CNTN6: variants seen among roughly 807,000 people sequenced by gnomAD.
CNTN6 encodes contactin 6.
In CNTN6, 137 loss-of-function variants were observed where a neutral mutation model predicts 122.8. The observed-to-expected ratio is 1.12, with a 90% CI of 0.97 to 1.29. The LOEUF is 1.29. CNTN6 is among the 50% of genes most tolerant of loss of function. The pLI is 0.00. For synonymous variants in CNTN6, 570 were observed against 426.0 expected (o/e 1.34, Z -4.16); for missense variants, 1,634 against 1,223.4 (o/e 1.34, Z -5.01).
intron 7 of CNTN6, among the ~76,000 whole-genome samples, chr3:1,308,513 T>C (rs1273405826): frequency 1.3e-5 from 2 of 152,028 alleles, no homozygotes; most frequent in Non-Finnish European, 2.9e-5. Flanking sequence ...ATTTAGGCGC[T>C]CTCAGATGAC....
chr3:1,305,333 A>G (rs1698184075), intron 7 of CNTN6, among the ~76,000 whole-genome samples: 1 of 152,196 alleles, frequency 6.6e-6, no homozygotes, highest in African/African-American at 2.4e-5. Context: ...GCTTCAAGTA[A>G]TTGTCTTAAC....
intron 4 of CNTN6, among the ~76,000 whole-genome samples, chr3:1,276,694 TCTGTCAGATC>T (rs1303039745): frequency 6.6e-6 from 1 of 152,226 alleles, no homozygotes; most frequent in East Asian, 1.9e-4. Context: ...CTCTTTCTCA[TCTGTCAGATC>T]AGTGCTCTCT....
chr3:1,226,682 A>G (rs1307351723), intron 3 of CNTN6, among the ~76,000 whole-genome samples: 1 of 152,150 alleles, frequency 6.6e-6, no homozygotes, highest in Non-Finnish European at 1.5e-5. Context: ...ACTAGCATTA[A>G]AAACACACAG....
intron 13 of CNTN6, 114 bp downstream of exon 13, chr3:1,372,588 T>C: frequency 1.1e-6 from 1 of 917,752 alleles, no homozygotes. Flanking sequence ...TCACTGACTG[T>C]TTTTGAAGCT....
chr3:1,139,257 C>A (rs2092555793), intron 1 of CNTN6, among the ~76,000 whole-genome samples: 1 of 152,090 alleles, frequency 6.6e-6, no homozygotes, highest in South Asian at 2.1e-4. Context: ...CCAATCTCTG[C>A]TTTAGTCATT....
intron 2 of CNTN6, among the ~76,000 whole-genome samples, chr3:1,194,887 C>G (rs1324981406): frequency 2.6e-5 from 4 of 152,058 alleles, no homozygotes; most frequent in Admixed American, 2.0e-4. Context: ...ACTTTTGATG[C>G]TTTGACATCT....
intron 3 of CNTN6, 57 bp downstream of exon 3, chr3:1,220,870 A>G: frequency 6.6e-7 from 1 of 1,511,442 alleles, no homozygotes; most frequent in Non-Finnish European, 8.9e-7. Context: ...GAACCAAAAC[A>G]TACACAAAAT....
chr3:1,149,216 GATTA>G (rs61584568), intron 2 of CNTN6, among the ~76,000 whole-genome samples: 3,643 of 152,240 alleles, frequency 0.024, 151 homozygotes, highest in African/African-American at 0.082. Flanking sequence ...TAATTGTCAA[GATTA>G]ATTGTTGAGC....
rs376407923 is a variant in CNTN6, at chr3:1,264,340, ACT to A, written c.359-14070_359-14069del. Among the ~76,000 whole-genome samples, 14 of 152,284 alleles carry A rather than the reference ACT, an allele frequency of 9.2e-5. No homozygotes were observed. In the East Asian group the frequency reaches 2.3e-3, roughly 25 times the overall value. Reference sequence around the variant, plus strand: ...TATAAATACATGAGTTAGTGAACAAACTCTACATTTAAATTACTGTTATAGCA... The same window carrying A: ...TATAAATACATGAGTTAGTGAACAAACTACATTTAAATTACTGTTATAGCA... On this transcript the variant is annotated intron_variant, in intron 4 of 22. Transcript: ENST00000446702.
At chr3:1,122,304 A>G (rs1303515438) in intron 1 of CNTN6, among the ~76,000 whole-genome samples, 1 of 150,554 alleles carries the variant, frequency 6.6e-6, no homozygotes, top group African/African-American at 2.5e-5. Flanking sequence ...AGAGAAATAA[A>G]TAAAGGAAAA....
At chr3:1,122,916 G>T (rs1450821139) in intron 1 of CNTN6, among the ~76,000 whole-genome samples, 1 of 151,786 alleles carries the variant, frequency 6.6e-6, no homozygotes, top group Non-Finnish European at 1.5e-5. Context: ...ACAGGTACTT[G>T]TTTGAGTGCC....
intron 4 of CNTN6, among the ~76,000 whole-genome samples, chr3:1,249,924 T>A (rs763089111): frequency 3.3e-5 from 5 of 152,158 alleles, no homozygotes; most frequent in Non-Finnish European, 5.9e-5. Flanking sequence ...TGTTTTTGTG[T>A]TGTTTCTGTT....
chr3:1,208,579 G>T (rs1401505464), intron 2 of CNTN6, among the ~76,000 whole-genome samples: 1 of 151,910 alleles, frequency 6.6e-6, no homozygotes, highest in Non-Finnish European at 1.5e-5. Context: ...TTCGTTAATT[G>T]TTTTCTTATT....
chr3:1,199,587 AT>A (rs1367466314), intron 2 of CNTN6, among the ~76,000 whole-genome samples: 1 of 152,186 alleles, frequency 6.6e-6, no homozygotes, highest in East Asian at 1.9e-4. Context: ...GTAAAAAAAA[AT>A]GCCATGAAAT....
At chr3:1,139,023 C>T (rs1487943521) in intron 1 of CNTN6, among the ~76,000 whole-genome samples, 1 of 152,072 alleles carries the variant, frequency 6.6e-6, no homozygotes, top group Non-Finnish European at 1.5e-5. Flanking sequence ...TCTCTCTAGG[C>T]CAACCTTTAG....
At chr3:1,094,955 C>T (rs2090445003) in intron 1 of CNTN6, among the ~76,000 whole-genome samples, 1 of 151,880 alleles carries the variant, frequency 6.6e-6, no homozygotes, top group Non-Finnish European at 1.5e-5. Flanking sequence ...CATAAAAGTT[C>T]AAAAGGGAAA....
chr3:1,106,201 A>G (rs2091211678), intron 1 of CNTN6, among the ~76,000 whole-genome samples: 1 of 152,114 alleles, frequency 6.6e-6, no homozygotes. Flanking sequence ...AAAATAATTT[A>G]TATGTTACAG....
intron 1 of CNTN6, among the ~76,000 whole-genome samples, chr3:1,119,373 A>G (rs2125053528): frequency 1.2e-5 from 1 of 80,078 alleles, no homozygotes; most frequent in African/African-American, 5.0e-5. Flanking sequence ...TCTTTGGCCC[A>G]GATAAACTCT....
intron 1 of CNTN6, among the ~76,000 whole-genome samples, chr3:1,108,059 C>T (rs1429793922): frequency 2.0e-5 from 3 of 151,970 alleles, no homozygotes; most frequent in Admixed American, 1.3e-4. Context: ...AGATAGCTCC[C>T]AGCATCTACA....
Sources: gnomAD v4.1 joint callset for allele counts (sites outside exome capture counted in the v4.1 genomes callset) on GRCh38, gnomAD v4.1.1 for gene constraint, MANE v1.5 for transcripts, NCBI Gene and HGNC (gene_info 2026-07-23, HGNC 2026-07-21) for gene names.